The following SV2C variants were observed in gnomAD, a reference collection of about 807,000 sequenced individuals.
The protein encoded by SV2C is solute carrier family 22 member B3.
SV2C carries 49 observed loss-of-function variants against 79.7 expected under a neutral mutation model. The ratio of observed to expected loss-of-function variants is 0.61; its 90% confidence interval spans 0.49 to 0.78. SV2C has a LOEUF of 0.78. SV2C is among the 30% of genes least tolerant of loss of function. The pLI is 0.00. For synonymous variants in SV2C, 334 were observed against 333.2 expected, an observed-to-expected ratio of 1.00 and a Z score of -0.03; for missense variants, 833 against 912.9, an observed-to-expected ratio of 0.91 and a Z score of 1.13.
At chr5:76,026,475 T>G in the SV2C span, among the ~76,000 whole-genome samples, 3 of 152,198 alleles carry the variant, frequency 2.0e-5, no homozygotes, top group Non-Finnish European at 4.4e-5. Flanking sequence ...GTCTAATTGA[T>G]GTACTCAGGC....
intron 2 of SV2C, among the ~76,000 whole-genome samples, chr5:76,155,674 G>A (rs1371390521): frequency 1.3e-5 from 2 of 152,046 alleles, no homozygotes; most frequent in East Asian, 3.9e-4. Context: ...CCTTGCCCTT[G>A]CTTGAAAGCT....
chr5:76,069,847 T>TAC, the SV2C span, among the ~76,000 whole-genome samples: 2 of 134,198 alleles, frequency 1.5e-5, no homozygotes, highest in East Asian at 2.7e-4. Context: ...CACACACACA[T>TAC]ACACACACAC....
the SV2C span, among the ~76,000 whole-genome samples, chr5:75,901,590 G>T: frequency 1.9e-4 from 29 of 152,372 alleles, no homozygotes; most frequent in Non-Finnish European, 4.0e-4. Flanking sequence ...CCAGCTGCAT[G>T]CTGGGAGAAT....
chr5:75,918,183 C>T, the SV2C span, among the ~76,000 whole-genome samples: 53 of 152,242 alleles, frequency 3.5e-4, no homozygotes, highest in African/African-American at 1.3e-3. Context: ...GGTCACAGAA[C>T]CAGTTATTCG....
chr5:76,005,784 T>C, the SV2C span, among the ~76,000 whole-genome samples: 69,842 of 151,984 alleles, frequency 0.46, 16,890 homozygotes, highest in Middle Eastern at 0.62. Context: ...AAATCAGAGT[T>C]CCAGTGACAT....
At chr5:75,949,804 C>A in the SV2C span, among the ~76,000 whole-genome samples, 1 of 151,996 alleles carries the variant, frequency 6.6e-6, no homozygotes, top group African/African-American at 2.4e-5. Flanking sequence ...TCTTTATCTG[C>A]AGTGTGAAAA....
chr5:76,002,914 G>A, the SV2C span, among the ~76,000 whole-genome samples: 25 of 151,846 alleles, frequency 1.6e-4, no homozygotes, highest in African/African-American at 6.1e-4. Flanking sequence ...AATGTGTTAT[G>A]GTTGGGCTGT....
the SV2C span, among the ~76,000 whole-genome samples, chr5:76,065,177 G>T: frequency 6.6e-6 from 1 of 152,164 alleles, no homozygotes; most frequent in South Asian, 2.1e-4. Flanking sequence ...AGTGCATGTA[G>T]CTTCAGCAAA....
intron 1 of SV2C, among the ~76,000 whole-genome samples, chr5:76,125,032 G>A (rs1244813895): frequency 1.3e-5 from 2 of 152,144 alleles, no homozygotes; most frequent in African/African-American, 2.4e-5. Context: ...CACTAATCTG[G>A]GGTTTGTAGA....
At chr5:76,006,178 T>A in the SV2C span, among the ~76,000 whole-genome samples, 1 of 152,120 alleles carries the variant, frequency 6.6e-6, no homozygotes, top group African/African-American at 2.4e-5. Flanking sequence ...ACATTTTGCC[T>A]TTTTATAATA....
the SV2C span, among the ~76,000 whole-genome samples, chr5:75,953,649 G>A: frequency 1.9e-4 from 29 of 151,924 alleles, no homozygotes; most frequent in Non-Finnish European, 2.9e-5. Context: ...TGGCAGAGTG[G>A]ACATCCAGAA....
At chr5:76,224,772 T>TA (rs1745191024) in intron 4 of SV2C, among the ~76,000 whole-genome samples, 1 of 152,152 alleles carries the variant, frequency 6.6e-6, no homozygotes, top group African/African-American at 2.4e-5. Context: ...GTTGTTAAGG[T>TA]AAAAAATTGT....
At chr5:76,023,808 A>T in the SV2C span, among the ~76,000 whole-genome samples, 3 of 151,868 alleles carry the variant, frequency 2.0e-5, no homozygotes, top group African/African-American at 7.3e-5. Flanking sequence ...GGCCTTCAAA[A>T]TACATATGCC....
At chr5:75,967,049 T>C in the SV2C span, among the ~76,000 whole-genome samples, 6 of 152,144 alleles carry the variant, frequency 3.9e-5, no homozygotes, top group Non-Finnish European at 7.3e-5. Context: ...AATTCTCCTT[T>C]CGGGCCAGGC....
At chr5:76,267,795 T>G (rs1746715110) in intron 4 of SV2C, among the ~76,000 whole-genome samples, 1 of 152,218 alleles carries the variant, frequency 6.6e-6, no homozygotes, top group African/African-American at 2.4e-5. Context: ...GGAGGGGATA[T>G]TCTAAGCAAA....
chr5:76,312,593 C>T (rs1028420597), intron 12 of SV2C, among the ~76,000 whole-genome samples: 3 of 152,170 alleles, frequency 2.0e-5, no homozygotes, highest in Non-Finnish European at 4.4e-5. Context: ...GCGCTCGGGG[C>T]CAGGAGCGCA....
intron 2 of SV2C, among the ~76,000 whole-genome samples, chr5:76,141,173 G>C (rs1006105359): frequency 6.6e-6 from 1 of 152,158 alleles, no homozygotes; most frequent in Non-Finnish European, 1.5e-5. Flanking sequence ...CACTTTCACA[G>C]GACAGGAAAT....
At chr5:76,307,073 A>G (rs1258399100) in intron 12 of SV2C, among the ~76,000 whole-genome samples, 1 of 152,090 alleles carries the variant, frequency 6.6e-6, no homozygotes, top group Non-Finnish European at 1.5e-5. Context: ...TTTGCCTGCC[A>G]TGGATTTCTT....
At chr5:75,941,385 C>A in the SV2C span, among the ~76,000 whole-genome samples, 1 of 152,144 alleles carries the variant, frequency 6.6e-6, no homozygotes, top group Non-Finnish European at 1.5e-5. Context: ...TCTTCTATAG[C>A]CAATATCTAC....
Sources: gnomAD v4.1 joint callset for allele counts (sites outside exome capture counted in the v4.1 genomes callset) on GRCh38, gnomAD v4.1.1 for gene constraint, MANE v1.5 for transcripts, NCBI Gene and HGNC (gene_info 2026-07-23, HGNC 2026-07-21) for gene names.